The following FOCAD variants were observed in gnomAD, a reference collection of about 807,000 sequenced individuals.
FOCAD encodes the protein focadhesin.
In FOCAD, 198 loss-of-function variants were observed where a neutral mutation model predicts 225.6. That is an observed-to-expected ratio of 0.88 (90% CI 0.78 to 0.99). The LOEUF is 0.99. FOCAD is among the 50% of genes least tolerant of loss of function. The pLI, the probability that FOCAD is intolerant of heterozygous loss-of-function variation, is 0.00. For missense variants in FOCAD, 2,713 were observed against 2,123.6 expected (o/e 1.28, Z -5.46); for synonymous variants, 897 against 755.0 (o/e 1.19, Z -3.08).
chr9:20,973,829 T>G (rs1484880384), intron 35 of FOCAD, among the ~76,000 whole-genome samples: 3 of 119,594 alleles, frequency 2.5e-5, no homozygotes, highest in Non-Finnish European at 5.6e-5. Context: ...TAATTTGGCC[T>G]CTGCTTCTCC....
chr9:20,867,356 C>T (rs891156299), intron 18 of FOCAD, among the ~76,000 whole-genome samples: 1 of 151,900 alleles, frequency 6.6e-6, no homozygotes, highest in Non-Finnish European at 1.5e-5. Context: ...TTTATAGCAC[C>T]TGTGCAGCCA....
At position 20,789,343 on chromosome 9, in the gene FOCAD, T is replaced by G. The variant is rs1447872343; in HGVS notation, c.1198-8T>G. 1 of 1,605,838 alleles carries G rather than the reference T, an allele frequency of 6.2e-7. No individual in the cohort carries two copies. Among genetic ancestry groups the G allele is most frequent in the African/African-American group, 1.3e-5 (1 of 74,760 alleles). ...CTTATTTATGCCTCTCTTGTCTTTA[T>G]TTTTCAGCTCTCCTACAAGCTTGTG... On this transcript the variant is annotated splice_polypyrimidine_tract_variant and splice_region_variant and intron_variant, in intron 10 of 43. Transcript: ENST00000338382.
chr9:20,877,093 C>G (rs1000004199), intron 19 of FOCAD, among the ~76,000 whole-genome samples: 4 of 152,058 alleles, frequency 2.6e-5, no homozygotes, highest in Non-Finnish European at 5.9e-5. Context: ...ATATTAAAAC[C>G]AGAAAATTGA....
chr9:20,851,513 C>A (rs1827654764), intron 15 of FOCAD, among the ~76,000 whole-genome samples: 1 of 151,800 alleles, frequency 6.6e-6, no homozygotes, highest in African/African-American at 2.4e-5. Flanking sequence ...TTATTGCTGT[C>A]ACATTTCTAA....
chr9:20,745,489 G>T (rs1265877694), intron 5 of FOCAD, among the ~76,000 whole-genome samples: 1 of 152,056 alleles, frequency 6.6e-6, no homozygotes, highest in African/African-American at 2.4e-5. Context: ...AATTTTCATG[G>T]GTTGTAAATT....
intron 15 of FOCAD, among the ~76,000 whole-genome samples, chr9:20,833,989 A>G (rs1169233125): frequency 2.6e-5 from 4 of 152,148 alleles, no homozygotes; most frequent in African/African-American, 7.2e-5. Flanking sequence ...CCACTTCTAG[A>G]TACTTACCCA....
chr9:20,890,003 G>C (rs929093750), intron 21 of FOCAD, among the ~76,000 whole-genome samples: 1 of 151,930 alleles, frequency 6.6e-6, no homozygotes, highest in Non-Finnish European at 1.5e-5. Context: ...ATTTTTTACT[G>C]TTTATTGCTA....
intron 7 of FOCAD, among the ~76,000 whole-genome samples, chr9:20,767,243 GT>G (rs1179526701): frequency 2.0e-5 from 3 of 151,222 alleles, no homozygotes; most frequent in Non-Finnish European, 4.4e-5. Flanking sequence ...ATTTGGGTTG[GT>G]TCCAAGTCTT....
intron 4 of FOCAD, among the ~76,000 whole-genome samples, chr9:20,736,583 TC>T (rs1827168385): frequency 6.6e-6 from 1 of 152,164 alleles, no homozygotes; most frequent in Non-Finnish European, 1.5e-5. Context: ...TTAGGCAAAT[TC>T]CAGGCCTCAG....
In FOCAD at chr9:20,986,277, T is replaced by TTTTTTTTTTTTTTTTTTTTTTTG; in HGVS notation, c.4729-5_4729-4insTTTTTTTTTTTTTTTTGTTTTTT. The TTTTTTTTTTTTTTTTTTTTTTTG allele has an allele frequency of 7.3e-7, 1 of 1,369,108 alleles. No homozygotes were observed. The highest frequency in any genetic ancestry group is 1.5e-5 in the South Asian group (1 of 66,006). The allele number at this position is 1,369,108 out of a possible 1,614,324, so 84.8% of individuals were successfully genotyped here. On this transcript the variant is annotated splice_polypyrimidine_tract_variant and intron_variant, in intron 39 of 43. Transcript: ENST00000338382. ...ATAGTAACTAAACAATTTTTTTTTT[T>TTTTTTTTTTTTTTTTTTTTTTTG]TTTTTTGCAGAGCAACATAGAAAAA...
chr9:20,867,376 A>G lies in FOCAD; in HGVS notation c.2190+364A>G, dbSNP rs184451963. Among the ~76,000 whole-genome samples, 17 of 152,064 alleles carry G rather than the reference A, an allele frequency of 1.1e-4. No individual in the cohort carries two copies. In the East Asian group the frequency reaches 3.3e-3, roughly 29 times the overall value. Reference sequence around the variant, plus strand: ...AGCACCTGTGCAGCCAAAGATCTCTATTTGTGATAAACAATGGGATGCCAT... The same window carrying G: ...AGCACCTGTGCAGCCAAAGATCTCTGTTTGTGATAAACAATGGGATGCCAT... On this transcript the variant is annotated intron_variant, in intron 18 of 43. Transcript: ENST00000338382.
chr9:20,867,035 T>C, intron 18 of FOCAD, 23 bp downstream of exon 18: 1 of 1,477,726 alleles, frequency 6.8e-7, no homozygotes, highest in Non-Finnish European at 9.3e-7. Flanking sequence ...GCTTTCTCAC[T>C]GGTATTTCTT....
At chr9:20,665,140 T>G (rs2131265548) in intron 2 of FOCAD, among the ~76,000 whole-genome samples, 1 of 152,192 alleles carries the variant, frequency 6.6e-6, no homozygotes, top group African/African-American at 2.4e-5. Context: ...AGAGCTAGAG[T>G]TACTGGCTTA....
chr9:20,926,563 C>G, intron 26 of FOCAD, 146 bp downstream of exon 26: 1 of 575,470 alleles, frequency 1.7e-6, no homozygotes, highest in Non-Finnish European at 3.1e-6. Flanking sequence ...GTGGGCGGAT[C>G]ACCTGAGGTT....
upstream of FOCAD, among the ~76,000 whole-genome samples, chr9:20,680,286 G>T (rs1822363471): frequency 6.6e-6 from 1 of 152,188 alleles, no homozygotes; most frequent in African/African-American, 2.4e-5. Context: ...TTGTCCGGGT[G>T]CGATGGCTCA....
chr9:20,745,083 T>C (rs887886024), intron 5 of FOCAD, among the ~76,000 whole-genome samples: 100 of 152,172 alleles, frequency 6.6e-4, no homozygotes, highest in African/African-American at 2.4e-3. Flanking sequence ...CCCTCTTTTG[T>C]GTAACACACT....
chr9:20,666,620 T>C (rs1005015578), intron 2 of FOCAD, among the ~76,000 whole-genome samples: 2 of 152,186 alleles, frequency 1.3e-5, no homozygotes, highest in African/African-American at 4.8e-5. Context: ...TAGGTACTTA[T>C]GATTTGGAAT....
intron 11 of FOCAD, among the ~76,000 whole-genome samples, chr9:20,806,169 G>C (rs1587243585): frequency 6.6e-6 from 1 of 152,218 alleles, no homozygotes; most frequent in Non-Finnish European, 1.5e-5. Context: ...ATTTTTCAAG[G>C]TAGTCCAAGA....
At chr9:20,698,279 A>C (rs1456878108) in intron 1 of FOCAD, among the ~76,000 whole-genome samples, 1 of 152,144 alleles carries the variant, frequency 6.6e-6, no homozygotes, top group African/African-American at 2.4e-5. Flanking sequence ...AAATAACCCT[A>C]TCAACATTTT....
Sources: allele counts gnomAD v4.1 joint callset (sites outside exome capture counted in the v4.1 genomes callset), GRCh38; gene constraint gnomAD v4.1.1; transcripts MANE v1.5; gene names NCBI Gene and HGNC (gene_info 2026-07-23, HGNC 2026-07-21).